Variants in USH2A observed in about 807,000 individuals in gnomAD.
The protein encoded by USH2A is Usher syndrome 2A (autosomal recessive, mild).
Under a neutral mutation model 538.9 loss-of-function variants are expected in USH2A, and 443 were observed. That is an observed-to-expected ratio of 0.82 (90% CI 0.76 to 0.89). The LOEUF is 0.89. Ranked by LOEUF, USH2A falls within the 40% of genes least tolerant of loss-of-function variation. The probability of loss-of-function intolerance (pLI) is 0.00; values close to 1 mark genes in which losing one functional copy is unlikely to be tolerated. For synonymous variants in USH2A, 2,413 were observed against 2,273.5 expected (o/e 1.06, Z -1.75); for missense variants, 6,633 against 6,324.8 (o/e 1.05, Z -1.65).
intron 32 of USH2A, among the ~76,000 whole-genome samples, chr1:216,031,277 C>T (rs896504442): frequency 6.6e-5 from 10 of 152,022 alleles, no homozygotes; most frequent in African/African-American, 2.4e-4. Flanking sequence ...ATTGAGCCCC[C>T]TATAAATATA....
chr1:215,955,070 T>A (rs1667028564), intron 37 of USH2A, among the ~76,000 whole-genome samples: 1 of 152,198 alleles, frequency 6.6e-6, no homozygotes, highest in Admixed American at 6.5e-5. Context: ...CTTCTTATTA[T>A]GAAAATCTTA....
intron 38 of USH2A, among the ~76,000 whole-genome samples, chr1:215,909,019 AT>A (rs962857335): frequency 1.3e-5 from 2 of 149,512 alleles, no homozygotes; most frequent in African/African-American, 4.9e-5. Context: ...ATATCATTAA[AT>A]ATATTATATA....
intron 42 of USH2A, 131 bp downstream of exon 42, chr1:215,878,633 T>A: frequency 1.2e-6 from 1 of 855,536 alleles, no homozygotes; most frequent in Non-Finnish European, 1.9e-6. Flanking sequence ...TGTATGAAAG[T>A]TATGAGTCAG....
At chr1:215,813,652 T>A in intron 49 of USH2A, 84 bp downstream of exon 49, 1 of 1,572,812 alleles carries the variant, frequency 6.4e-7, no homozygotes, top group African/African-American at 1.4e-5. Flanking sequence ...GAGGGAGGTG[T>A]TTGAAATAGT....
intron 44 of USH2A, among the ~76,000 whole-genome samples, chr1:215,852,588 A>G (rs1349904361): frequency 6.6e-6 from 1 of 152,140 alleles, no homozygotes. Context: ...CCAAAGTCTC[A>G]TCTGAGACAA....
At chr1:215,898,824 G>T (rs1665413138) in intron 40 of USH2A, among the ~76,000 whole-genome samples, 2 of 152,170 alleles carry the variant, frequency 1.3e-5, no homozygotes, top group African/African-American at 4.8e-5. Context: ...TCCCCAGAGT[G>T]TATGTAATGT....
chr1:215,782,935 T>C lies in USH2A; in HGVS notation c.10388A>G (p.Asp3463Gly), dbSNP rs146014881. The C allele has an allele frequency of 2.8e-5, 45 of 1,612,698 alleles. No individual in the cohort carries two copies. The East Asian group carries it at 9.6e-4, about 34-fold the overall frequency. The change falls in exon 53 of 72, where the codon GAT becomes GGT. Residue 3463 changes from aspartate (D) to glycine (G), a missense_variant and splice_region_variant. Transcript: ENST00000307340. The stretch of plus-strand genomic sequence containing the variant: ...TGTCATGTAGGGCTTGAGGTTCACA[T>C]CTGGAAAGAGAAAAAATAGACAGGG... ...TGSVNTYSYT[D>G]VNLKPYMTYE...
Position 215,976,566 on chromosome 1 carries a change from G to A in USH2A, c.6806-5790C>T, listed in dbSNP as rs140423630. Among the ~76,000 whole-genome samples the A allele has an allele frequency of 5.4e-3, 817 of 152,250 alleles. 32 individuals are homozygous for A. Among genetic ancestry groups the A allele is most frequent in the Admixed American group, 0.037 (562 of 15,284 alleles). ...AAGCTTTTTCTGTATCTATTGAGATGATCGTGTGATTTTTGCTTTTAGTTC... is the reference window on the plus strand; with the variant it reads ...AAGCTTTTTCTGTATCTATTGAGATAATCGTGTGATTTTTGCTTTTAGTTC... On this transcript the variant is annotated intron_variant, in intron 35 of 71. Coordinates refer to ENST00000307340, the MANE Select transcript of USH2A (RefSeq NM_206933.4).
intron 3 of USH2A, among the ~76,000 whole-genome samples, chr1:216,388,373 G>C (rs1281161555): frequency 6.7e-6 from 1 of 149,286 alleles, no homozygotes; most frequent in African/African-American, 2.6e-5. Flanking sequence ...GGAAACCCAT[G>C]AATTGCATAT....
At chr1:216,318,668 T>C (rs1188786024) in intron 9 of USH2A, among the ~76,000 whole-genome samples, 2 of 152,204 alleles carry the variant, frequency 1.3e-5, no homozygotes, top group Non-Finnish European at 2.9e-5. Context: ...TATCAAAATA[T>C]GTCAAGGAGG....
At chr1:216,186,313 C>G (rs141927814) in intron 20 of USH2A, among the ~76,000 whole-genome samples, 1 of 151,700 alleles carries the variant, frequency 6.6e-6, no homozygotes, top group Admixed American at 6.6e-5. Context: ...TTCAACCATG[C>G]TAATTAGGGT....
In USH2A at chr1:216,302,181, T is replaced by C. The variant is rs78454721; in HGVS notation, c.1645-9811A>G. ...ATAAAGTGCCCAACTACATAGAGAA[T>C]CTAGACAGAAAATGGCTCTGTGCTT... On this transcript the variant is annotated intron_variant, in intron 9 of 71. Coordinates refer to ENST00000307340, the MANE Select transcript of USH2A (RefSeq NM_206933.4). 7.3e-3 allele frequency among the ~76,000 whole-genome samples: 1,109 copies of C among 152,316 alleles called. 6 individuals are homozygous for C. The highest frequency in any genetic ancestry group is 0.036 in the East Asian group (189 of 5,184).
chr1:216,152,807 C>G (rs1435964570), intron 21 of USH2A, among the ~76,000 whole-genome samples: 1 of 152,158 alleles, frequency 6.6e-6, no homozygotes, highest in Non-Finnish European at 1.5e-5. Context: ...AAACCCACAG[C>G]CCTAAATAAA....
chr1:215,953,109 G>A (rs1374109395), intron 37 of USH2A, among the ~76,000 whole-genome samples: 2 of 152,072 alleles, frequency 1.3e-5, no homozygotes, highest in Non-Finnish European at 2.9e-5. Flanking sequence ...TGGGTAGGAA[G>A]AATCAATATT....
intron 38 of USH2A, among the ~76,000 whole-genome samples, chr1:215,928,888 G>T (rs1000940074): frequency 1.3e-5 from 2 of 152,042 alleles, no homozygotes; most frequent in Non-Finnish European, 2.9e-5. Context: ...AGCTAAAAAA[G>T]TTAGTCATTA....
chr1:216,255,491 A>G (rs1478080095), intron 11 of USH2A, among the ~76,000 whole-genome samples: 2 of 152,114 alleles, frequency 1.3e-5, no homozygotes, highest in Non-Finnish European at 2.9e-5. Flanking sequence ...CTAATCTTGG[A>G]TTATTTAGAA....
At chr1:216,138,938 GTGTGTA>G (rs900599040) in intron 21 of USH2A, among the ~76,000 whole-genome samples, 4 of 151,270 alleles carry the variant, frequency 2.6e-5, no homozygotes, top group African/African-American at 7.3e-5. Context: ...GTGTGTGTGT[GTGTGTA>G]TATATATGTG....
intron 44 of USH2A, among the ~76,000 whole-genome samples, chr1:215,865,430 A>T (rs1020586451): frequency 6.6e-6 from 1 of 152,192 alleles, no homozygotes; most frequent in African/African-American, 2.4e-5. Flanking sequence ...ATGCAATTAT[A>T]ACATAAAGGA....
intron 70 of USH2A, among the ~76,000 whole-genome samples, chr1:215,633,976 G>A (rs936871626): frequency 3.3e-5 from 5 of 152,094 alleles, no homozygotes; most frequent in Non-Finnish European, 7.4e-5. Flanking sequence ...GACAGACCGA[G>A]CACCACTAGC....
Sources: gnomAD v4.1 joint callset for allele counts (sites outside exome capture counted in the v4.1 genomes callset) on GRCh38, gnomAD v4.1.1 for gene constraint, MANE v1.5 for transcripts, NCBI Gene and HGNC (gene_info 2026-07-23, HGNC 2026-07-21) for gene names.